The following WWOX variants were observed in gnomAD, a reference collection of about 807,000 sequenced individuals.
WWOX encodes the protein WW domain-containing oxidoreductase.
Under a neutral mutation model 46.2 loss-of-function variants are expected in WWOX, and 69 were observed. The ratio of observed to expected loss-of-function variants is 1.49; its 90% CI spans 1.23 to 1.82. WWOX has a LOEUF of 1.82. WWOX is among the 40% of genes most tolerant of loss of function. WWOX has a pLI of 0.00. For missense variants in WWOX, 919 were observed against 542.6 expected (o/e 1.69, Z -6.89); for synonymous variants, 359 against 202.6 (o/e 1.77, Z -6.56).
chr16:78,423,260 A>T (rs1200494524), intron 6 of WWOX, among the ~76,000 whole-genome samples: 1 of 152,170 alleles, frequency 6.6e-6, no homozygotes, highest in African/African-American at 2.4e-5. Context: ...TCTGTGTCTG[A>T]TAATAAAATA....
intron 8 of WWOX, among the ~76,000 whole-genome samples, chr16:78,943,642 C>T (rs188983218): frequency 1.1e-3 from 161 of 152,210 alleles, no homozygotes; most frequent in Admixed American, 1.9e-3. Context: ...ATGGCCTGGA[C>T]GCAGCTGAAA....
Position 78,774,865 on chromosome 16 carries a change from A to C in WWOX, c.1056+342113A>C, listed in dbSNP as rs2050151549. The stretch of plus-strand genomic sequence containing the variant: ...ATTCTGCAAGTCCATCCCCTTATTG[A>C]GCAGATGTTTACCGCAGAGCACTAA... On this transcript the variant is annotated intron_variant, in intron 8 of 8. Transcript: ENST00000566780. Among the ~76,000 whole-genome samples the C allele has an allele frequency of 2.6e-5, 4 of 152,216 alleles. No homozygotes were observed. In the South Asian group the frequency reaches 8.3e-4, roughly 32 times the overall value.
chr16:78,619,989 C>G (rs565801478), intron 8 of WWOX, among the ~76,000 whole-genome samples: 1 of 152,154 alleles, frequency 6.6e-6, no homozygotes, highest in African/African-American at 2.4e-5. Context: ...GTGCACTACT[C>G]CTGATTAACC....
At chr16:79,209,362 T>G (rs7202473) in intron 8 of WWOX, among the ~76,000 whole-genome samples, 227 of 152,316 alleles carry the variant, frequency 1.5e-3, no homozygotes, top group African/African-American at 4.9e-3. Flanking sequence ...CAGTAGGTCA[T>G]AGTGGCAAAA....
At chr16:78,832,263 T>C (rs113398129) in intron 8 of WWOX, among the ~76,000 whole-genome samples, 5,495 of 152,280 alleles carry the variant, frequency 0.036, 136 homozygotes, top group South Asian at 0.075. Context: ...GGGGCCTCTC[T>C]GTACAGCTTC....
At chr16:79,108,296 GAC>G (rs1166096412) in intron 8 of WWOX, among the ~76,000 whole-genome samples, 1 of 152,182 alleles carries the variant, frequency 6.6e-6, no homozygotes, top group Non-Finnish European at 1.5e-5. Context: ...GTGCCTTCTT[GAC>G]ACACACATCA....
At chr16:79,099,077 A>C (rs2049136779) in intron 8 of WWOX, among the ~76,000 whole-genome samples, 1 of 149,582 alleles carries the variant, frequency 6.7e-6, no homozygotes, top group African/African-American at 2.6e-5. Context: ...TCACATGGGC[A>C]GAGAGGAAGC....
In WWOX at chr16:78,933,058, G is replaced by A. The variant is rs72806764; in HGVS notation, c.1057-278550G>A. 1.1e-4 allele frequency among the ~76,000 whole-genome samples: 16 copies of A among 152,230 alleles called. No homozygotes were observed. The East Asian group carries it at 2.3e-3, about 22-fold the overall frequency. On this transcript the variant is annotated intron_variant, in intron 8 of 8. Transcript: ENST00000566780. ...TTTCTATGAGACAGAGGGCTGGACT[G>A]GGGGAGCAAGGCTTGCAAATCGAAA...
At chr16:79,172,725 G>T (rs1253150214) in intron 8 of WWOX, among the ~76,000 whole-genome samples, 5 of 152,150 alleles carry the variant, frequency 3.3e-5, no homozygotes, top group Non-Finnish European at 4.4e-5. Context: ...ATATAAAATT[G>T]TAACCTAAAT....
intron 8 of WWOX, among the ~76,000 whole-genome samples, chr16:78,964,480 C>T (rs945770282): frequency 2.0e-5 from 3 of 152,180 alleles, no homozygotes; most frequent in South Asian, 2.1e-4. Flanking sequence ...TTTAGGGTAT[C>T]TGGCCGAAGA....
Position 78,338,866 on chromosome 16 carries a change from C to T in WWOX, c.517-47994C>T, listed in dbSNP as rs1378834504. Among the ~76,000 whole-genome samples the T allele has an allele frequency of 1.7e-5, 2 of 119,814 alleles. 1 individual carries two copies. Among genetic ancestry groups the T allele is most frequent in the Non-Finnish European group, 4.0e-5 (2 of 50,136 alleles). The allele number at this position is 119,814 out of a possible 152,430, so 78.6% of individuals were successfully genotyped here. On this transcript the variant is annotated intron_variant, in intron 5 of 8. Coordinates refer to ENST00000566780, the MANE Select transcript of WWOX (RefSeq NM_016373.4). ...AAATTGTACAGAGTTTAAAGTTAGT[C>T]AGGTATGTCTATTAAATTTTTACGT...
intron 8 of WWOX, among the ~76,000 whole-genome samples, chr16:79,032,999 T>C (rs572848725): frequency 6.6e-6 from 1 of 151,846 alleles, no homozygotes; most frequent in Admixed American, 6.6e-5. Flanking sequence ...AGTTCCCACT[T>C]ATAAGTGAGA....
chr16:78,770,571 G>A (rs982291999), intron 8 of WWOX, among the ~76,000 whole-genome samples: 13 of 152,256 alleles, frequency 8.5e-5, no homozygotes, highest in African/African-American at 2.4e-4. Context: ...TCTCTGTGGT[G>A]CCAGGGAAGG....
At chr16:78,438,217 A>G (rs1201227161) in intron 8 of WWOX, among the ~76,000 whole-genome samples, 1 of 152,194 alleles carries the variant, frequency 6.6e-6, no homozygotes, top group Non-Finnish European at 1.5e-5. Context: ...TCCAAGTTCT[A>G]CAATCTTAGA....
intron 8 of WWOX, among the ~76,000 whole-genome samples, chr16:78,834,608 G>C (rs552481825): frequency 1.3e-5 from 2 of 152,322 alleles, no homozygotes; most frequent in South Asian, 4.1e-4. Context: ...GTACAGCGTA[G>C]TTTGTTGCAG....
chr16:78,579,980 G>A (rs2045008035), intron 8 of WWOX, among the ~76,000 whole-genome samples: 1 of 152,094 alleles, frequency 6.6e-6, no homozygotes, highest in South Asian at 2.1e-4. Context: ...TCATGCCAGC[G>A]TTTAAGGCGC....
chr16:78,425,807 C>CG (rs1412590183), intron 7 of WWOX, among the ~76,000 whole-genome samples: 1 of 151,748 alleles, frequency 6.6e-6, no homozygotes, highest in African/African-American at 2.4e-5. Context: ...GTGTGTTTGG[C>CG]GGGGGGAACT....
intron 4 of WWOX, among the ~76,000 whole-genome samples, chr16:78,137,490 G>C (rs2033839172): frequency 6.6e-6 from 1 of 152,188 alleles, no homozygotes; most frequent in East Asian, 1.9e-4. Context: ...GTTAGTCCAT[G>C]AGGAATTTCC....
intron 8 of WWOX, among the ~76,000 whole-genome samples, chr16:78,735,573 G>A (rs1050970345): frequency 3.3e-5 from 5 of 152,182 alleles, no homozygotes; most frequent in African/African-American, 1.2e-4. Context: ...GAGCATACCT[G>A]CACAAGTCAA....
Sources: gnomAD v4.1 joint callset for allele counts (sites outside exome capture counted in the v4.1 genomes callset) on GRCh38, gnomAD v4.1.1 for gene constraint, MANE v1.5 for transcripts, NCBI Gene and HGNC (gene_info 2026-07-23, HGNC 2026-07-21) for gene names.